Variants in EPB41L4B observed in about 807,000 individuals in gnomAD.
The protein encoded by EPB41L4B is band 4.1-like protein 4B.
Under a neutral mutation model 112.5 loss-of-function variants are expected in EPB41L4B, and 30 were observed. The ratio of observed to expected loss-of-function variants is 0.27; its 90% CI spans 0.20 to 0.36. EPB41L4B has a LOEUF of 0.36. Ranked by LOEUF, EPB41L4B falls within the 10% of genes least tolerant of loss-of-function variation. The pLI, the probability that EPB41L4B is intolerant of heterozygous loss-of-function variation, is 1.00. For missense variants in EPB41L4B, 1,024 were observed against 1,133.3 expected, an observed-to-expected ratio of 0.90 and a Z score of 1.38; for synonymous variants, 408 against 439.7, an observed-to-expected ratio of 0.93 and a Z score of 0.90.
chr9:109,307,148 T>C, intron 1 of EPB41L4B: 1 of 399,594 alleles, frequency 2.5e-6, no homozygotes, highest in Non-Finnish European at 4.9e-6. Context: ...CTGAAGCGAG[T>C]TAATAAACGA....
chr9:109,300,288 A>C (rs542938820), intron 1 of EPB41L4B: 5 of 152,236 alleles, frequency 3.3e-5, no homozygotes, highest in African/African-American at 1.2e-4. Flanking sequence ...AATGGACCTA[A>C]ATATACTATT....
In EPB41L4B at chr9:109,244,282, A is replaced by G. The variant is rs140511814; in HGVS notation, c.1345-600T>C. 3.6e-3 allele frequency among the ~76,000 whole-genome samples: 549 copies of G among 151,858 alleles called. 4 individuals are homozygous for G. The highest frequency in any genetic ancestry group is 0.013 in the African/African-American group (519 of 41,432). On this transcript the variant is annotated intron_variant, in intron 14 of 25. Coordinates refer to ENST00000374566, the MANE Select transcript of EPB41L4B (RefSeq NM_019114.5). ...AACAAAACCATCCAGAGCGCTTATC[A>G]TCCTGATAAAACAGGAGGGAGGGAG... is the stretch of plus-strand genomic sequence containing the variant.
In EPB41L4B at chr9:109,255,902, A is replaced by C. The variant is rs574900999; in HGVS notation, c.930-59T>G. 1.9e-5 allele frequency: 28 copies of C among 1,456,328 alleles called. No homozygotes were observed. The East Asian group carries it at 5.5e-4, about 28-fold the overall frequency. 90.2% of individuals were successfully genotyped at this position (1,456,328 alleles called of 1,614,324 possible). A position where few individuals can be genotyped will look rare whatever the true frequency, so the allele number is the denominator to read the frequency against. Reference sequence around the variant, plus strand: ...CTGCAGTAAAACTATCTACACATCAAATAGCAGTTTCCTTTCTACTTTTAA... The same window carrying C: ...CTGCAGTAAAACTATCTACACATCACATAGCAGTTTCCTTTCTACTTTTAA... On this transcript the variant is annotated intron_variant, in intron 9 of 25. Coordinates refer to ENST00000374566, the MANE Select transcript of EPB41L4B (RefSeq NM_019114.5).
intron 2 of EPB41L4B, among the ~76,000 whole-genome samples, chr9:109,278,500 C>G (rs1835919088): frequency 6.6e-6 from 1 of 152,142 alleles, no homozygotes; most frequent in African/African-American, 2.4e-5. Flanking sequence ...ACATCTTCAC[C>G]TTACAAATGT....
chr9:109,261,887 C>T (rs974495753), intron 6 of EPB41L4B, among the ~76,000 whole-genome samples: 1 of 152,106 alleles, frequency 6.6e-6, no homozygotes, highest in Admixed American at 6.5e-5. Flanking sequence ...TTATGGTATT[C>T]ATAAGTAATT....
At chr9:109,236,527 C>T (rs1325889312) in intron 15 of EPB41L4B, among the ~76,000 whole-genome samples, 1 of 152,034 alleles carries the variant, frequency 6.6e-6, no homozygotes, top group Non-Finnish European at 1.5e-5. Context: ...GAAAAGCAAA[C>T]CTGGACTGCC....
Position 109,303,501 on chromosome 9 carries a change from G to A in EPB41L4B, c.306+16640C>T, listed in dbSNP as rs117126284. ...GCTGGGATTACAGGTGCACGCCATC[G>A]CACCTGGCTGGTTTTTTTTGTTTTT... On this transcript the variant is annotated intron_variant, in intron 1 of 25. Transcript: ENST00000374566. Among the ~76,000 whole-genome samples, 1,080 of 151,806 alleles carry A rather than the reference G, an allele frequency of 7.1e-3. 27 individuals carry two copies. The East Asian group carries it at 0.094, about 13-fold the overall frequency.
At chr9:109,289,354 C>T (rs1179414351) in intron 1 of EPB41L4B, among the ~76,000 whole-genome samples, 2 of 152,244 alleles carry the variant, frequency 1.3e-5, no homozygotes, top group Admixed American at 1.3e-4. Flanking sequence ...CTCCCGCACC[C>T]CCATTCCTTT....
At chr9:109,284,438 G>A (rs562169299) in intron 1 of EPB41L4B, among the ~76,000 whole-genome samples, 6 of 152,140 alleles carry the variant, frequency 3.9e-5, no homozygotes, top group Admixed American at 6.5e-5. Context: ...TTTTAGACAG[G>A]GTCTTGCTCT....
intron 1 of EPB41L4B, among the ~76,000 whole-genome samples, chr9:109,316,262 G>A (rs768981162): frequency 4.6e-5 from 7 of 152,252 alleles, no homozygotes; most frequent in Non-Finnish European, 8.8e-5. Flanking sequence ...TGCACCAAAT[G>A]CAACAATGGC....
chr9:109,184,127 T>G (rs1832170036), intron 23 of EPB41L4B, among the ~76,000 whole-genome samples: 1 of 152,234 alleles, frequency 6.6e-6, no homozygotes, highest in Non-Finnish European at 1.5e-5. Context: ...TGTTGCCTAT[T>G]GAGTCAGCAT....
At chr9:109,253,232 T>G (rs1164670111) in intron 12 of EPB41L4B, among the ~76,000 whole-genome samples, 2 of 152,012 alleles carry the variant, frequency 1.3e-5, no homozygotes, top group Non-Finnish European at 2.9e-5. Context: ...GAGAAATAAA[T>G]GAACACATCC....
At chr9:109,319,309 T>C (rs1837750787) in intron 1 of EPB41L4B, among the ~76,000 whole-genome samples, 1 of 152,104 alleles carries the variant, frequency 6.6e-6, no homozygotes, top group Middle Eastern at 3.4e-3. Flanking sequence ...TGTGGGCGGG[T>C]GCCCGGGACG....
chr9:109,265,041 A>G lies in EPB41L4B; in HGVS notation c.534-17T>C, dbSNP rs1012573279. The stretch of plus-strand genomic sequence containing the variant: ...AACAGGTACCTGACAAACATATACA[A>G]AAGTCAACAGAGGGTAACTCTTTCC... On this transcript the variant is annotated splice_polypyrimidine_tract_variant and intron_variant, in intron 4 of 25. Transcript: ENST00000374566. The G allele has an allele frequency of 1.1e-5, 17 of 1,599,812 alleles. 1 individual carries two copies. In the South Asian group the frequency reaches 1.7e-4, roughly 16 times the overall value.
intron 15 of EPB41L4B, among the ~76,000 whole-genome samples, chr9:109,238,099 G>A (rs1176347548): frequency 6.6e-6 from 1 of 152,150 alleles, no homozygotes; most frequent in African/African-American, 2.4e-5. Context: ...CTCTAAGCCT[G>A]AGCTTCCCTA....
At chr9:109,319,827 G>T (rs1564343810) in intron 1 of EPB41L4B, among the ~76,000 whole-genome samples, 1 of 152,094 alleles carries the variant, frequency 6.6e-6, no homozygotes, top group Non-Finnish European at 1.5e-5. Flanking sequence ...CAGGGGGGGC[G>T]GGGTCTCGGG....
chr9:109,277,074 G>A (rs73654238), intron 2 of EPB41L4B, among the ~76,000 whole-genome samples: 2,702 of 152,230 alleles, frequency 0.018, 90 homozygotes, highest in African/African-American at 0.062. Flanking sequence ...ACAAGGTCCA[G>A]TCTGACTTCT....
chr9:109,189,846 C>G (rs932041101), intron 22 of EPB41L4B, among the ~76,000 whole-genome samples: 1 of 152,160 alleles, frequency 6.6e-6, no homozygotes, highest in Non-Finnish European at 1.5e-5. Context: ...CCAGGCTGGT[C>G]TTGAACTCCT....
chr9:109,262,452 G>GTGTGT (rs34849317), intron 6 of EPB41L4B, among the ~76,000 whole-genome samples: 6,166 of 149,606 alleles, frequency 0.041, 173 homozygotes, highest in Non-Finnish European at 0.057. Context: ...TGTGTGTGGG[G>GTGTGT]GTGTGTGTGT....
Sources: allele counts gnomAD v4.1 joint callset (sites outside exome capture counted in the v4.1 genomes callset), GRCh38; gene constraint gnomAD v4.1.1; transcripts MANE v1.5; gene names NCBI Gene and HGNC (gene_info 2026-07-23, HGNC 2026-07-21).